Variants in TSPAN18 observed in about 807,000 individuals in gnomAD.
TSPAN18 encodes the protein tetraspanin 18.
TSPAN18 carries 14 observed loss-of-function variants against 27.3 expected under a neutral mutation model. That is an observed-to-expected ratio of 0.51 (90% CI 0.34 to 0.80). The LOEUF (loss-of-function observed/expected upper bound fraction) is 0.80. Ranked by LOEUF, TSPAN18 falls within the 30% of genes least tolerant of loss-of-function variation. The pLI is 0.01. For synonymous variants in TSPAN18, 143 were observed against 136.5 expected (o/e 1.05, Z -0.33); for missense variants, 268 against 323.9 (o/e 0.83, Z 1.32).
chr11:44,812,717 A>G (rs1001963252), intron 2 of TSPAN18, among the ~76,000 whole-genome samples: 1 of 152,190 alleles, frequency 6.6e-6, no homozygotes, highest in East Asian at 1.9e-4. Context: ...TTCATGAAAT[A>G]GCTTTACTGG....
intron 2 of TSPAN18, among the ~76,000 whole-genome samples, chr11:44,799,524 G>A (rs1219763342): frequency 6.6e-6 from 1 of 152,172 alleles, no homozygotes; most frequent in Admixed American, 6.5e-5. Flanking sequence ...TCAATGAGCG[G>A]GCAGTAGCTC....
chr11:44,861,021 A>G (rs905049070), intron 3 of TSPAN18, among the ~76,000 whole-genome samples: 1 of 152,136 alleles, frequency 6.6e-6, no homozygotes, highest in Admixed American at 6.5e-5. Context: ...TCCAAATAAT[A>G]TATTTGGGGC....
intron 2 of TSPAN18, among the ~76,000 whole-genome samples, chr11:44,793,104 G>T (rs1856268080): frequency 6.6e-6 from 1 of 152,182 alleles, no homozygotes; most frequent in African/African-American, 2.4e-5. Flanking sequence ...GGTGTCTGTT[G>T]TGCCTCAGAG....
At chr11:44,847,243 G>A (rs993276291) in intron 2 of TSPAN18, among the ~76,000 whole-genome samples, 5 of 152,226 alleles carry the variant, frequency 3.3e-5, no homozygotes, top group Non-Finnish European at 7.3e-5. Context: ...AAGGCCTGGA[G>A]GTGGACAAGC....
intron 8 of TSPAN18, among the ~76,000 whole-genome samples, chr11:44,924,716 AT>A (rs1360493592): frequency 1.4e-5 from 2 of 140,352 alleles, no homozygotes; most frequent in Non-Finnish European, 3.1e-5. Context: ...ATAGTTCTGC[AT>A]TTTAGGGTTC....
chr11:44,868,671 A>G (rs1480834753), intron 3 of TSPAN18, among the ~76,000 whole-genome samples: 1 of 152,228 alleles, frequency 6.6e-6, no homozygotes, highest in Non-Finnish European at 1.5e-5. Flanking sequence ...AGCTCATCCT[A>G]CAGTGAGTCC....
intron 2 of TSPAN18, among the ~76,000 whole-genome samples, chr11:44,840,795 C>A (rs936493455): frequency 6.6e-6 from 1 of 152,220 alleles, no homozygotes; most frequent in Non-Finnish European, 1.5e-5. Flanking sequence ...TGAATCACAT[C>A]CCTGTTTTCC....
At chr11:44,912,466 A>G (rs1382361345) in intron 5 of TSPAN18, among the ~76,000 whole-genome samples, 1 of 151,922 alleles carries the variant, frequency 6.6e-6, no homozygotes, top group African/African-American at 2.4e-5. Context: ...GCCTGAGGTC[A>G]CAGTGTGGGT....
At chr11:44,925,394 G>A (rs1037885785) in intron 8 of TSPAN18, among the ~76,000 whole-genome samples, 1 of 152,134 alleles carries the variant, frequency 6.6e-6, no homozygotes, top group South Asian at 2.1e-4. Flanking sequence ...GTTTCTATCT[G>A]GGTATGTCCT....
At chr11:44,769,858 A>G (rs886745220) in intron 2 of TSPAN18, among the ~76,000 whole-genome samples, 6 of 152,222 alleles carry the variant, frequency 3.9e-5, no homozygotes, top group African/African-American at 1.4e-4. Flanking sequence ...ATCTTTTCAA[A>G]GAACCAGCAT....
intron 2 of TSPAN18, among the ~76,000 whole-genome samples, chr11:44,836,731 G>C (rs990891007): frequency 7.9e-5 from 12 of 152,176 alleles, no homozygotes; most frequent in African/African-American, 2.7e-4. Flanking sequence ...GTAACATTAA[G>C]CTGATGCCAG....
intron 1 of TSPAN18, among the ~76,000 whole-genome samples, chr11:44,741,587 C>T (rs567204899): frequency 7.2e-5 from 11 of 151,984 alleles, no homozygotes; most frequent in African/African-American, 1.5e-4. Flanking sequence ...GTGAGACATA[C>T]GGGATTAACA....
intron 2 of TSPAN18, among the ~76,000 whole-genome samples, chr11:44,788,983 G>A (rs909229608): frequency 6.6e-6 from 1 of 152,152 alleles, no homozygotes; most frequent in Non-Finnish European, 1.5e-5. Context: ...GCCTGGGCTC[G>A]GCATGTGGAG....
chr11:44,892,368 C>T (rs549681163), intron 3 of TSPAN18, among the ~76,000 whole-genome samples: 16 of 152,314 alleles, frequency 1.1e-4, no homozygotes, highest in Non-Finnish European at 1.5e-4. Flanking sequence ...GGTTGCTTGG[C>T]CTGCTTCAAC....
intron 1 of TSPAN18, among the ~76,000 whole-genome samples, chr11:44,728,389 A>ATT (rs1854571084): frequency 6.6e-6 from 1 of 152,234 alleles, no homozygotes; most frequent in Non-Finnish European, 1.5e-5. Flanking sequence ...GCAGAAACCC[A>ATT]AACCCCAAAA....
At chr11:44,900,884 AG>A (rs1242486767) in intron 3 of TSPAN18, among the ~76,000 whole-genome samples, 1 of 151,684 alleles carries the variant, frequency 6.6e-6, no homozygotes, top group Non-Finnish European at 1.5e-5. Flanking sequence ...TAGTAGAGAC[AG>A]GGTTTTGCCA....
At chr11:44,908,801 AAGAAAG>A (rs1310631009) in intron 4 of TSPAN18, among the ~76,000 whole-genome samples, 1 of 115,492 alleles carries the variant, frequency 8.7e-6, no homozygotes, top group African/African-American at 3.5e-5. Flanking sequence ...GAAAGAAAGA[AAGAAAG>A]AAAGAAAGAA....
intron 3 of TSPAN18, among the ~76,000 whole-genome samples, chr11:44,861,842 A>T (rs1857898021): frequency 7.0e-6 from 1 of 143,374 alleles, no homozygotes; most frequent in African/African-American, 2.6e-5. Flanking sequence ...CACAGCCCCC[A>T]TGCCTCTGAT....
intron 2 of TSPAN18, among the ~76,000 whole-genome samples, chr11:44,803,408 G>C (rs571160872): frequency 2.6e-5 from 4 of 152,198 alleles, no homozygotes; most frequent in Admixed American, 6.5e-5. Context: ...ATGTACAGGA[G>C]TAGGGAAACA....
Sources: gnomAD v4.1 joint callset for allele counts (sites outside exome capture counted in the v4.1 genomes callset) on GRCh38, gnomAD v4.1.1 for gene constraint, MANE v1.5 for transcripts, NCBI Gene and HGNC (gene_info 2026-07-23, HGNC 2026-07-21) for gene names.